Variants in KCNK2 observed in about 807,000 individuals in gnomAD.
The protein encoded by KCNK2 is potassium channel subfamily K member 2.
A neutral mutation model predicts 40.5 loss-of-function variants in KCNK2; 21 were observed. That is an observed-to-expected ratio of 0.52 (90% CI 0.37 to 0.75). KCNK2 has a LOEUF of 0.75. Among genes scored for constraint, KCNK2 ranks in the 30% least tolerant of loss-of-function variants. The pLI is 0.00. For synonymous variants in KCNK2, 191 were observed against 202.2 expected (o/e 0.94, Z 0.47); for missense variants, 399 against 531.6 (o/e 0.75, Z 2.45).
intron 3 of KCNK2, among the ~76,000 whole-genome samples, chr1:215,125,800 A>T (rs1426165467): frequency 6.8e-6 from 1 of 146,988 alleles, no homozygotes; most frequent in Admixed American, 6.8e-5. Context: ...GAAAAAAAAA[A>T]AAAGAAAGCC....
intron 1 of KCNK2, among the ~76,000 whole-genome samples, chr1:215,037,460 A>G (rs1014867879): frequency 3.9e-5 from 6 of 151,964 alleles, no homozygotes; most frequent in African/African-American, 1.4e-4. Context: ...TATAGGTCTA[A>G]GTTCATGAGG....
chr1:215,154,256 A>G (rs750280680), intron 3 of KCNK2, among the ~76,000 whole-genome samples: 7 of 151,864 alleles, frequency 4.6e-5, no homozygotes, highest in Non-Finnish European at 8.8e-5. Flanking sequence ...GTGAGCATCT[A>G]TTGTTTCTTG....
At chr1:215,077,662 G>C (rs977702566) in intron 1 of KCNK2, among the ~76,000 whole-genome samples, 1 of 151,714 alleles carries the variant, frequency 6.6e-6, no homozygotes, top group Non-Finnish European at 1.5e-5. Flanking sequence ...CTTGATTACT[G>C]TCCACCACCA....
intron 3 of KCNK2, among the ~76,000 whole-genome samples, chr1:215,146,606 A>T (rs958744733): frequency 1.3e-5 from 2 of 152,184 alleles, no homozygotes; most frequent in South Asian, 2.1e-4. Context: ...TCCCAGTCTG[A>T]CAAGGTAAAA....
upstream of KCNK2, among the ~76,000 whole-genome samples, chr1:215,078,765 G>C (rs1296030208): frequency 1.3e-5 from 2 of 152,160 alleles, no homozygotes; most frequent in African/African-American, 4.8e-5. Flanking sequence ...TCTCTTGTGA[G>C]TTCAGTGTAT....
intron 1 of KCNK2, among the ~76,000 whole-genome samples, chr1:215,063,214 G>A (rs1325983912): frequency 6.6e-6 from 1 of 152,166 alleles, no homozygotes; most frequent in Non-Finnish European, 1.5e-5. Flanking sequence ...CAAAGCTGGA[G>A]AAACATGCAA....
intron 2 of KCNK2, among the ~76,000 whole-genome samples, chr1:215,091,564 T>C (rs1237618168): frequency 1.3e-5 from 2 of 152,212 alleles, no homozygotes; most frequent in Non-Finnish European, 2.9e-5. Flanking sequence ...ACTGTGTACA[T>C]TGTCCTAAGT....
At chr1:215,230,621 A>T (rs950768743) in intron 6 of KCNK2, among the ~76,000 whole-genome samples, 1 of 134,486 alleles carries the variant, frequency 7.4e-6, no homozygotes, top group African/African-American at 2.8e-5. Context: ...GTATATATAT[A>T]TCTTATTCAT....
chr1:215,230,542 T>TAC lies in KCNK2; in HGVS notation c.964-4278_964-4277dup, dbSNP rs1400355059. Among the ~76,000 whole-genome samples the TAC allele has an allele frequency of 1.3e-4, 11 of 87,434 alleles. 1 individual carries two copies. Among genetic ancestry groups the TAC allele is most frequent in the Non-Finnish European group, 1.9e-4 (8 of 41,888 alleles). The allele number at this position is 87,434 out of a possible 152,430, so 57.4% of individuals were successfully genotyped here. ...ATATATATATATATATGTATATATA[T>TAC]ACACACACATAACAGCCATATATAT... On this transcript the variant is annotated intron_variant, in intron 6 of 6. Coordinates refer to ENST00000444842, the MANE Select transcript of KCNK2 (RefSeq NM_001017425.3).
At chr1:215,093,584 CTATATAA>C (rs1344351308) in intron 2 of KCNK2, among the ~76,000 whole-genome samples, 11 of 94,046 alleles carry the variant, frequency 1.2e-4, no homozygotes, top group African/African-American at 4.9e-4. Flanking sequence ...AGTATATATA[CTATATAA>C]TATATAATAT....
chr1:215,071,993 T>C (rs1325853200), intron 1 of KCNK2, among the ~76,000 whole-genome samples: 6 of 152,210 alleles, frequency 3.9e-5, no homozygotes, highest in African/African-American at 1.2e-4. Flanking sequence ...AGTTTTGTAT[T>C]AATGTTGATT....
At chr1:215,148,080 C>CTTTCTTTTTTTT (rs1553267720) in intron 3 of KCNK2, among the ~76,000 whole-genome samples, 3 of 111,150 alleles carry the variant, frequency 2.7e-5, no homozygotes, top group Admixed American at 1.0e-4. Flanking sequence ...TTTTCTTTTC[C>CTTTCTTTTTTTT]TTTTTTTTTT....
chr1:215,010,867 TTTGTG>T (rs1278297744), intron 1 of KCNK2, among the ~76,000 whole-genome samples: 2 of 134,078 alleles, frequency 1.5e-5, no homozygotes, highest in Admixed American at 8.1e-5. Flanking sequence ...TTTTTTTTTT[TTTGTG>T]TGTGTGTGTG....
intron 4 of KCNK2, 142 bp from the exon 5 acceptor site, chr1:215,171,855 T>C (rs1558123818): frequency 8.3e-6 from 4 of 479,154 alleles, no homozygotes; most frequent in Non-Finnish European, 1.4e-5. Flanking sequence ...TACTTGCTAA[T>C]TTGCTCATAA....
At chr1:215,227,179 A>G (rs1666416839) in intron 6 of KCNK2, among the ~76,000 whole-genome samples, 1 of 152,222 alleles carries the variant, frequency 6.6e-6, no homozygotes, top group Non-Finnish European at 1.5e-5. Context: ...TATCCTCTCT[A>G]GTGTCATGAA....
intron 1 of KCNK2, 29 bp downstream of exon 1, chr1:215,083,460 C>T: frequency 6.6e-7 from 1 of 1,522,812 alleles, no homozygotes. Context: ...TACCCCCACC[C>T]CTCTGGCCGC....
At chr1:215,230,835 C>T (rs1666632209) in intron 6 of KCNK2, among the ~76,000 whole-genome samples, 1 of 151,674 alleles carries the variant, frequency 6.6e-6, no homozygotes, top group Non-Finnish European at 1.5e-5. Flanking sequence ...TACTTTTCCA[C>T]CTCTGGGAAT....
intron 5 of KCNK2, among the ~76,000 whole-genome samples, chr1:215,194,493 C>T (rs1051578556): frequency 6.6e-6 from 1 of 152,152 alleles, no homozygotes; most frequent in Non-Finnish European, 1.5e-5. Flanking sequence ...GAGTTGTTCA[C>T]TTGCTGTTCA....
At chr1:215,009,094 T>G (rs945250609) in intron 1 of KCNK2, among the ~76,000 whole-genome samples, 5 of 152,164 alleles carry the variant, frequency 3.3e-5, no homozygotes, top group African/African-American at 1.2e-4. Context: ...AGAAATGATT[T>G]TTTTTTGAAA....
Sources: allele counts gnomAD v4.1 joint callset (sites outside exome capture counted in the v4.1 genomes callset), GRCh38; gene constraint gnomAD v4.1.1; transcripts MANE v1.5; gene names NCBI Gene and HGNC (gene_info 2026-07-23, HGNC 2026-07-21).